Variants in CHD1 observed in about 807,000 individuals in gnomAD.
CHD1 encodes chromodomain helicase DNA binding protein 1, also known as ATP-dependent chromatin remodeler CHD1.
CHD1 carries 36 observed loss-of-function variants against 224.2 expected under a neutral mutation model. The ratio of observed to expected loss-of-function variants is 0.16; its 90% CI spans 0.12 to 0.21. The LOEUF is 0.21. Ranked by LOEUF, CHD1 falls within the 10% of genes least tolerant of loss-of-function variation. CHD1 has a pLI of 1.00. For synonymous variants in CHD1, 668 were observed against 658.3 expected, an observed-to-expected ratio of 1.01 and a Z score of -0.23; for missense variants, 1,378 against 1,994.8, an observed-to-expected ratio of 0.69 and a Z score of 5.89.
intron 23 of CHD1, among the ~76,000 whole-genome samples, chr5:98,879,343 A>AC (rs1561500473): frequency 2.0e-5 from 3 of 152,146 alleles, no homozygotes; most frequent in African/African-American, 4.8e-5. Context: ...CACACACACA[A>AC]AAATCAATGA....
intron 2 of CHD1, among the ~76,000 whole-genome samples, chr5:98,916,318 G>C (rs1752728240): frequency 6.6e-6 from 1 of 152,074 alleles, no homozygotes; most frequent in Non-Finnish European, 1.5e-5. Context: ...GGCCAAGGCA[G>C]GTGGACCACC....
intron 15 of CHD1, 68 bp downstream of exon 15, chr5:98,892,454 CAAA>C: frequency 8.5e-7 from 1 of 1,171,342 alleles, no homozygotes; most frequent in Admixed American, 2.2e-5. Flanking sequence ...GTGGGGGCAC[CAAA>C]AGCAGGACAC....
chr5:98,875,021 G>A, intron 25 of CHD1, 51 bp downstream of exon 25: 1 of 902,814 alleles, frequency 1.1e-6, no homozygotes, highest in Non-Finnish European at 1.8e-6. Context: ...AAATAAAGGT[G>A]ACAGCATGTA....
chr5:98,872,493 T>G lies in CHD1; in HGVS notation c.3634A>C (p.Lys1212Gln), dbSNP rs1486734005. 1 of 1,613,678 alleles carries G rather than the reference T, an allele frequency of 6.2e-7. No individual in the cohort carries two copies. Among genetic ancestry groups the G allele is most frequent in the Non-Finnish European group, 8.5e-7 (1 of 1,179,654 alleles). The change falls in exon 27 of 36, where the codon AAA becomes CAA. Residue 1212 changes from lysine to glutamine, a missense_variant. By Grantham distance (53) the Lys-to-Gln change is moderately conservative. Coordinates refer to ENST00000614616, the MANE Select transcript of CHD1 (RefSeq NM_001270.4). ...TCTTCTTCATGGGAGATGACTAGTT[T>G]GGCATTCACCTGTACTCCTGATATT... ...FRISGVQVNAKLVISHEEELI... is the reference protein window; with the variant it reads ...FRISGVQVNAQLVISHEEELI...
chr5:98,917,751 A>G (rs1752830823), intron 2 of CHD1, among the ~76,000 whole-genome samples: 1 of 152,022 alleles, frequency 6.6e-6, no homozygotes, highest in Admixed American at 6.5e-5. Context: ...TACATATTTT[A>G]ATCTCAATAA....
intron 15 of CHD1, among the ~76,000 whole-genome samples, chr5:98,890,105 C>A (rs553246361): frequency 6.6e-6 from 1 of 152,304 alleles, no homozygotes; most frequent in South Asian, 2.1e-4. Context: ...ACCATGCTCA[C>A]TACCTGGATG....
At chr5:98,872,601 T>C (rs774690477) in intron 26 of CHD1, 46 bp from the exon 27 acceptor site, 2 of 1,531,676 alleles carry the variant, frequency 1.3e-6, no homozygotes, top group South Asian at 1.1e-5. Context: ...GTATAAAACA[T>C]AATTCTACAA....
chr5:98,901,480 A>C, intron 5 of CHD1, 145 bp from the exon 6 acceptor site: 2 of 628,582 alleles, frequency 3.2e-6, no homozygotes, highest in Non-Finnish European at 5.1e-6. Context: ...AATATTTATA[A>C]AACAAAAACA....
chr5:98,856,325 G>A lies in CHD1; in HGVS notation c.*55C>T, dbSNP rs753145544. 2 of 1,298,206 alleles carry A rather than the reference G, an allele frequency of 1.5e-6. No individual in the cohort carries two copies. Among genetic ancestry groups the A allele is most frequent in the Non-Finnish European group, 2.2e-6 (2 of 908,404 alleles). 80.4% of individuals were successfully genotyped at this position (1,298,206 alleles called of 1,614,324 possible). A position where few individuals can be genotyped will look rare whatever the true frequency, so the allele number is the denominator to read the frequency against. Reference sequence around the variant, plus strand: ...AGTCATGTAAGGCAATTACTGTGTTGGTTTATGATATATGGCTAAAAGAAA... The same window carrying A: ...AGTCATGTAAGGCAATTACTGTGTTAGTTTATGATATATGGCTAAAAGAAA... On this transcript the variant is annotated 3_prime_UTR_variant, in exon 36 of 36. Coordinates refer to ENST00000614616, the MANE Select transcript of CHD1 (RefSeq NM_001270.4).
intron 12 of CHD1, among the ~76,000 whole-genome samples, chr5:98,895,764 C>CA (rs1470765470): frequency 7.3e-5 from 11 of 149,940 alleles, no homozygotes; most frequent in Admixed American, 1.3e-4. Flanking sequence ...AAAAACCCAC[C>CA]AAAAAAACAG....
intron 8 of CHD1, 38 bp from the exon 9 acceptor site, chr5:98,898,802 T>C (rs1462695020): frequency 1.7e-6 from 2 of 1,152,802 alleles, no homozygotes; most frequent in Non-Finnish European, 2.6e-6. Flanking sequence ...CTTAAAAATC[T>C]CCCATAAATA....
At chr5:98,860,471 T>C (rs1580346993) in intron 32 of CHD1, 1 of 243,914 alleles carries the variant, frequency 4.1e-6, no homozygotes, top group East Asian at 1.2e-4. Context: ...ATTATGCTTG[T>C]AAAGAATTGT....
At chr5:98,888,678 C>T (rs111435522) in intron 16 of CHD1, among the ~76,000 whole-genome samples, 2,079 of 152,292 alleles carry the variant, frequency 0.014, 47 homozygotes, top group African/African-American at 0.048. Context: ...GCTGTGCCTT[C>T]GCACTTCTGA....
chr5:98,920,196 T>C (rs756297547), intron 2 of CHD1, among the ~76,000 whole-genome samples: 2 of 152,074 alleles, frequency 1.3e-5, no homozygotes, highest in Non-Finnish European at 2.9e-5. Flanking sequence ...GATTTAGAAA[T>C]TTCCTTACAG....
chr5:98,908,252 CTTTTT>C (rs553591943), intron 2 of CHD1, among the ~76,000 whole-genome samples: 20 of 152,218 alleles, frequency 1.3e-4, no homozygotes, highest in Admixed American at 1.0e-3. Context: ...CTTCTCTTTT[CTTTTT>C]ATTATGTAAT....
Position 98,855,683 on chromosome 5 carries a change from A to G in CHD1, c.*697T>C, listed in dbSNP as rs1747972063. 1 of 150,772 alleles carries G rather than the reference A, an allele frequency of 6.6e-6. No individual in the cohort carries two copies. The highest frequency in any genetic ancestry group is 2.4e-5 in the African/African-American group (1 of 41,046). The allele number at this position is 150,772 out of a possible 1,614,324, so 9.3% of individuals were successfully genotyped here. On this transcript the variant is annotated 3_prime_UTR_variant, in exon 36 of 36. Coordinates refer to ENST00000614616, the MANE Select transcript of CHD1 (RefSeq NM_001270.4). ...TATTACACTGATTTTTTTTTTTTTA[A>G]TAAGAAGGCCTGAGTTGGTAGGGAA...
rs988635466 is a variant in CHD1 at position 98,854,109 on chromosome 5, A to G, written c.*2271T>C. On this transcript the variant is annotated 3_prime_UTR_variant, in exon 36 of 36. Transcript: ENST00000614616. ...AATAACAAAGCAGAATGAAAACAGA[A>G]TATTTTATGGAGAATGTTCTGCTAT... is the stretch of plus-strand genomic sequence containing the variant. 7.2e-5 allele frequency: 11 copies of G among 152,036 alleles called. No individual in the cohort carries two copies. Among genetic ancestry groups the G allele is most frequent in the African/African-American group, 2.7e-4 (11 of 41,440 alleles). The allele number at this position is 152,036 out of a possible 1,614,324, so 9.4% of individuals were successfully genotyped here. A position where few individuals can be genotyped will look rare whatever the true frequency, so the allele number is the denominator to read the frequency against.
At position 98,888,186 on chromosome 5, in the gene CHD1, G is replaced by A. The variant is rs1750778482; in HGVS notation, c.2398C>T (p.Leu800=). 3.7e-6 allele frequency: 6 copies of A among 1,611,336 alleles called. No individual in the cohort carries two copies. The highest frequency in any genetic ancestry group is 5.1e-6 in the Non-Finnish European group (6 of 1,178,472). The change falls in exon 17 of 36, where the codon CTA becomes TTA. Residue 800 remains leucine (L), a synonymous_variant. Transcript: ENST00000614616. ...LILLDKLLIR[L]RERGNRVLIF... ...AGAACTCGATTGCCTCGTTCTCTTAGGCGAATTAATAGCTTGTCAAGAAGA... is the reference window on the plus strand; with the variant it reads ...AGAACTCGATTGCCTCGTTCTCTTAAGCGAATTAATAGCTTGTCAAGAAGA...
intron 30 of CHD1, 134 bp downstream of exon 30, chr5:98,869,620 G>GCACACA (rs758302613): frequency 9.8e-5 from 74 of 754,150 alleles, no homozygotes; most frequent in African/African-American, 9.0e-4. Flanking sequence ...GCACGTGCGC[G>GCACACA]CGCACACACA....
Sources: gnomAD v4.1 joint callset for allele counts (sites outside exome capture counted in the v4.1 genomes callset) on GRCh38, gnomAD v4.1.1 for gene constraint, MANE v1.5 for transcripts, NCBI Gene and HGNC (gene_info 2026-07-23, HGNC 2026-07-21) for gene names.